CCDC178: variants seen among roughly 807,000 people sequenced by gnomAD.
CCDC178 encodes coiled-coil domain containing 178, also known as coiled-coil domain-containing protein 178.
A neutral mutation model predicts 117.4 loss-of-function variants in CCDC178; 126 were observed. The ratio of observed to expected loss-of-function variants is 1.07; its 90% CI spans 0.93 to 1.24. CCDC178 has a LOEUF of 1.24. Among genes scored for constraint, CCDC178 ranks in the 50% most tolerant of loss-of-function variants. The pLI is 0.00. For missense variants in CCDC178, 1,030 were observed against 986.9 expected (o/e 1.04, Z -0.59); for synonymous variants, 283 against 313.4 (o/e 0.90, Z 1.02).
intron 11 of CCDC178, among the ~76,000 whole-genome samples, chr18:33,316,031 G>A (rs1444085146): frequency 1.3e-5 from 2 of 152,212 alleles, no homozygotes; most frequent in African/African-American, 4.8e-5. Flanking sequence ...TCTGTCTATG[G>A]AGTATCTGTC....
At chr18:33,220,393 T>C (rs2059216912) in intron 18 of CCDC178, among the ~76,000 whole-genome samples, 1 of 152,096 alleles carries the variant, frequency 6.6e-6, no homozygotes, top group South Asian at 2.1e-4. Flanking sequence ...TGGTGATGAC[T>C]GGTTAAACAC....
At chr18:33,406,697 G>A (rs1475086256) in intron 3 of CCDC178, among the ~76,000 whole-genome samples, 1 of 152,032 alleles carries the variant, frequency 6.6e-6, no homozygotes, top group African/African-American at 2.4e-5. Context: ...AATAATATAT[G>A]TCAAAAATAA....
intron 12 of CCDC178, among the ~76,000 whole-genome samples, chr18:33,287,347 A>G (rs1453690665): frequency 1.3e-5 from 2 of 152,224 alleles, no homozygotes; most frequent in Non-Finnish European, 2.9e-5. Context: ...TTTTATAATG[A>G]GCAAAATACA....
In CCDC178 at chr18:33,170,056, T is replaced by TTGTGTG. The variant is rs35832872; in HGVS notation, c.2238+41834_2238+41839dup. On this transcript the variant is annotated intron_variant, in intron 20 of 22. Transcript: ENST00000383096. ...ATGTTTTGTGGTATATCCCAGGCAT[T>TTGTGTG]TGTGTGTGTGTGTGTGTGTGTGTAT... Among the ~76,000 whole-genome samples, 8 of 148,386 alleles carry TTGTGTG rather than the reference T, an allele frequency of 5.4e-5. No individual in the cohort carries two copies. In the East Asian group the frequency reaches 1.2e-3, roughly 22 times the overall value.
At chr18:33,227,787 A>G (rs1421779422) in intron 15 of CCDC178, among the ~76,000 whole-genome samples, 1 of 152,044 alleles carries the variant, frequency 6.6e-6, no homozygotes, top group African/African-American at 2.4e-5. Context: ...CAAGCAAAAG[A>G]ATAATTCCAA....
intron 20 of CCDC178, among the ~76,000 whole-genome samples, chr18:33,109,545 T>C (rs949424767): frequency 6.6e-6 from 1 of 151,590 alleles, no homozygotes; most frequent in African/African-American, 2.4e-5. Flanking sequence ...TAGGGATTAA[T>C]ACATTTTTTA....
intron 14 of CCDC178, among the ~76,000 whole-genome samples, chr18:33,248,807 G>A (rs2059581242): frequency 2.0e-5 from 3 of 152,060 alleles, no homozygotes; most frequent in African/African-American, 7.2e-5. Flanking sequence ...GGGTCAAATG[G>A]TATTTCTAGT....
chr18:33,117,266 C>T (rs559710647), intron 20 of CCDC178, among the ~76,000 whole-genome samples: 3 of 152,080 alleles, frequency 2.0e-5, no homozygotes, highest in Admixed American at 2.0e-4. Flanking sequence ...GAATTAGCCT[C>T]TTTTCTCAAC....
At chr18:33,243,407 C>T (rs1447139672) in intron 15 of CCDC178, among the ~76,000 whole-genome samples, 1 of 151,698 alleles carries the variant, frequency 6.6e-6, no homozygotes, top group Non-Finnish European at 1.5e-5. Context: ...TGAATATTTT[C>T]ATCACAAAGA....
At chr18:33,095,446 C>A (rs1007537304) in intron 20 of CCDC178, among the ~76,000 whole-genome samples, 2 of 151,682 alleles carry the variant, frequency 1.3e-5, no homozygotes, top group Admixed American at 6.6e-5. Flanking sequence ...CTTCTTTTCC[C>A]AATATTTTAT....
At position 33,224,953 on chromosome 18, in the gene CCDC178, T is replaced by A; in HGVS notation, c.1657-17A>T. Reference sequence around the variant, plus strand: ...TAGTTTTTTCTGCCAGCAAAGATTTTAAATAAATCATTCAGTTATTAACTT... The same window carrying A: ...TAGTTTTTTCTGCCAGCAAAGATTTAAAATAAATCATTCAGTTATTAACTT... On this transcript the variant is annotated splice_polypyrimidine_tract_variant and intron_variant, in intron 16 of 22. Transcript: ENST00000383096. 6.7e-7 allele frequency: 1 copy of A among 1,489,632 alleles called. No individual in the cohort carries two copies. The highest frequency in any genetic ancestry group is 8.9e-7 in the Non-Finnish European group (1 of 1,118,342). The allele number at this position is 1,489,632 out of a possible 1,614,324, so 92.3% of individuals were successfully genotyped here.
At chr18:33,310,339 G>A (rs2144948787) in intron 11 of CCDC178, among the ~76,000 whole-genome samples, 1 of 150,362 alleles carries the variant, frequency 6.7e-6, no homozygotes, top group African/African-American at 2.5e-5. Flanking sequence ...TCATGATAAA[G>A]TTTGTGAAAG....
chr18:33,318,789 A>G (rs2144989119), intron 11 of CCDC178, among the ~76,000 whole-genome samples: 1 of 152,258 alleles, frequency 6.6e-6, no homozygotes, highest in Non-Finnish European at 1.5e-5. Context: ...CAGCCAAAGG[A>G]AAAAATATAT....
At chr18:33,413,637 C>G (rs1455510682) in intron 2 of CCDC178, among the ~76,000 whole-genome samples, 7 of 151,954 alleles carry the variant, frequency 4.6e-5, no homozygotes, top group Non-Finnish European at 8.8e-5. Context: ...TACCTAGTTC[C>G]AGATCTAATA....
At chr18:33,328,178 T>G in intron 10 of CCDC178, 2 of 271,450 alleles carry the variant, frequency 7.4e-6, no homozygotes, top group South Asian at 6.3e-5. Context: ...CTCGGCTCAC[T>G]GCAACCCCCG....
At position 33,310,035 on chromosome 18, in the gene CCDC178, C is replaced by T. The variant is rs558519744; in HGVS notation, c.1022+13456G>A. 1.7e-3 allele frequency among the ~76,000 whole-genome samples: 263 copies of T among 151,244 alleles called. 2 individuals are homozygous for T. The highest frequency in any genetic ancestry group is 5.5e-3 in the African/African-American group (225 of 41,220). ...CCAGGCTGGAGTGCAGTGGCGCCAT[C>T]TTGGCTCACTCCAGCTCCTGGGTTC... On this transcript the variant is annotated intron_variant, in intron 11 of 22. Coordinates refer to ENST00000383096, the MANE Select transcript of CCDC178 (RefSeq NM_001105528.4).
chr18:32,967,623 T>C lies in CCDC178; in HGVS notation c.2523+6924A>G, dbSNP rs567416927. Among the ~76,000 whole-genome samples the C allele has an allele frequency of 2.6e-5, 4 of 151,848 alleles. No individual in the cohort carries two copies. In the South Asian group the frequency reaches 6.2e-4, roughly 24 times the overall value. ...ACTTTAAACTGTGCAATAAAACCAT[T>C]TACAGTTATTAGTATCATTAATGCA... On this transcript the variant is annotated intron_variant, in intron 22 of 22. Coordinates refer to ENST00000383096, the MANE Select transcript of CCDC178 (RefSeq NM_001105528.4).
intron 20 of CCDC178, among the ~76,000 whole-genome samples, chr18:33,119,618 A>T (rs994422411): frequency 3.3e-5 from 5 of 152,166 alleles, no homozygotes; most frequent in African/African-American, 1.2e-4. Context: ...ATTGTGGAAG[A>T]CAGTGTGGCG....
intron 20 of CCDC178, among the ~76,000 whole-genome samples, chr18:33,207,601 A>T (rs2059060019): frequency 6.6e-6 from 1 of 151,572 alleles, no homozygotes; most frequent in South Asian, 2.1e-4. Context: ...CAACTATATA[A>T]GAAAAATACT....
Sources: gnomAD v4.1 joint callset for allele counts (sites outside exome capture counted in the v4.1 genomes callset) on GRCh38, gnomAD v4.1.1 for gene constraint, MANE v1.5 for transcripts, NCBI Gene and HGNC (gene_info 2026-07-23, HGNC 2026-07-21) for gene names.